The following MAP3K13 variants were observed in gnomAD, a reference collection of about 807,000 sequenced individuals.
MAP3K13 encodes the protein leucine zipper-bearing kinase.
In MAP3K13, 52 loss-of-function variants were observed where a neutral mutation model predicts 104.0. That is an observed-to-expected ratio of 0.50 (90% CI 0.40 to 0.63). The LOEUF is 0.63. Ranked by LOEUF, MAP3K13 falls within the 20% of genes least tolerant of loss-of-function variation. The pLI, the probability that MAP3K13 is intolerant of heterozygous loss-of-function variation, is 0.00. For synonymous variants in MAP3K13, 394 were observed against 442.2 expected, an observed-to-expected ratio of 0.89 and a Z score of 1.37; for missense variants, 914 against 1,218.5, an observed-to-expected ratio of 0.75 and a Z score of 3.72.
At chr3:185,384,858 A>T (rs1577492412) in intron 1 of MAP3K13, among the ~76,000 whole-genome samples, 1 of 152,270 alleles carries the variant, frequency 6.6e-6, no homozygotes, top group Admixed American at 6.5e-5. Flanking sequence ...CCCTTGTTGG[A>T]TGAATAGTTT....
chr3:185,418,895 T>C lies in MAP3K13; in HGVS notation c.-85-9602T>C. 1 of 1,120,866 alleles carries C rather than the reference T, an allele frequency of 8.9e-7. No individual in the cohort carries two copies. The allele number at this position is 1,120,866 out of a possible 1,614,324, so 69.4% of individuals were successfully genotyped here. The stretch of plus-strand genomic sequence containing the variant: ...TTCTCTTAATCATGATCATTCTGCC[T>C]TTTCTAGAATCAAATGTGAATCTCA... On this transcript the variant is annotated intron_variant, in intron 1 of 13. Transcript: ENST00000265026. This position sits in a 1 kb window ranked among gnomAD's most constrained non-coding sequence, Gnocchi z 4.5.
rs1560119484 is a variant in MAP3K13, at chr3:185,455,423, G to GATATATGAGAT, written c.1278+4034_1278+4035insGAGATATATAT. ...TGAGATATATATATGAGATATATAT[G>GATATATGAGAT]ATATATATGAGATATATATATGAGA... On this transcript the variant is annotated intron_variant, in intron 7 of 13. Transcript: ENST00000265026. 1.5e-3 allele frequency among the ~76,000 whole-genome samples: 60 copies of GATATATGAGAT among 40,828 alleles called. 3 individuals carry two copies. Among genetic ancestry groups the GATATATGAGAT allele is most frequent in the African/African-American group, 5.4e-3 (58 of 10,746 alleles). The allele number at this position is 40,828 out of a possible 152,430, so 26.8% of individuals were successfully genotyped here.
chr3:185,473,660 G>C lies in MAP3K13; in HGVS notation c.2329G>C (p.Glu777Gln). Residue 777 changes from glutamate to glutamine, a missense_variant, in exon 11 of 14, where the codon GAA becomes CAA. Transcript: ENST00000265026. The surrounding 1 kb of genome is among the most constrained non-coding windows in gnomAD (Gnocchi z 4.9). ...LENAQSSEKT[E>Q]ENEFSGCRSE... Reference sequence around the variant, plus strand: ...AAACGCCCAGAGTTCTGAGAAAACGGAAGAAAATGAATTCAGCGGCTGTAG... The same window carrying C: ...AAACGCCCAGAGTTCTGAGAAAACGCAAGAAAATGAATTCAGCGGCTGTAG... 6.2e-7 allele frequency: 1 copy of C among 1,614,142 alleles called. No individual in the cohort carries two copies. Among genetic ancestry groups the C allele is most frequent in the South Asian group, 1.1e-5 (1 of 91,080 alleles).
chr3:185,456,016 TATATGAG>T (rs1288922005), intron 7 of MAP3K13, among the ~76,000 whole-genome samples: 1 of 148,396 alleles, frequency 6.7e-6, no homozygotes. Flanking sequence ...GATATATATA[TATATGAG>T]ATATATGTTT....
chr3:185,316,091 G>GA (rs562871070), intron 2 of MAP3K13, among the ~76,000 whole-genome samples: 14 of 151,750 alleles, frequency 9.2e-5, no homozygotes, highest in Admixed American at 7.2e-4. Context: ...CCTTTGCATT[G>GA]AAAAAAAATT....
intron 2 of MAP3K13, among the ~76,000 whole-genome samples, chr3:185,433,822 A>G (rs1714877519): frequency 6.6e-6 from 1 of 152,202 alleles, no homozygotes; most frequent in Admixed American, 6.5e-5. Flanking sequence ...TGCCAAATGT[A>G]TTTGTATTTT....
intron 2 of MAP3K13, among the ~76,000 whole-genome samples, chr3:185,290,139 T>G (rs964482466): frequency 4.6e-5 from 7 of 152,182 alleles, no homozygotes; most frequent in African/African-American, 1.4e-4. Flanking sequence ...TTTTTGGCTA[T>G]TCAAGTAGAG....
At chr3:185,398,855 T>C (rs184570030) in intron 1 of MAP3K13, among the ~76,000 whole-genome samples, 16 of 152,356 alleles carry the variant, frequency 1.1e-4, no homozygotes, top group Admixed American at 1.0e-3. Flanking sequence ...ATGGAAATAA[T>C]AGCTGGTCTG....
At chr3:185,360,873 C>G (rs1291955081), upstream of MAP3K13, among the ~76,000 whole-genome samples, 2 of 130,948 alleles carry the variant, frequency 1.5e-5, no homozygotes, top group Admixed American at 8.8e-5. Flanking sequence ...TGTCACCAGG[C>G]TGGAGTGCAG....
chr3:185,369,251 G>T (rs1724040229), intron 1 of MAP3K13, among the ~76,000 whole-genome samples: 1 of 152,172 alleles, frequency 6.6e-6, no homozygotes, highest in Admixed American at 6.5e-5. Context: ...TTTAAAATGG[G>T]ACTTTTGCAT....
intron 3 of MAP3K13, among the ~76,000 whole-genome samples, chr3:185,438,704 T>C (rs1413959952): frequency 6.6e-6 from 1 of 152,200 alleles, no homozygotes; most frequent in Admixed American, 6.5e-5. Context: ...TAAATAGATA[T>C]TATCTCTTCT....
chr3:185,350,304 G>A (rs539549546), intron 2 of MAP3K13, among the ~76,000 whole-genome samples: 115 of 152,324 alleles, frequency 7.5e-4, no homozygotes, highest in African/African-American at 2.6e-3. Context: ...TCCTGCCTCA[G>A]CCTCCTGAGT....
At chr3:185,311,801 C>T (rs1037623205) in intron 2 of MAP3K13, among the ~76,000 whole-genome samples, 1 of 151,980 alleles carries the variant, frequency 6.6e-6, no homozygotes, top group African/African-American at 2.4e-5. Context: ...AAGTAATCTA[C>T]AAAAATGTTC....
At chr3:185,414,219 G>A (rs1713611240) in intron 1 of MAP3K13, among the ~76,000 whole-genome samples, 1 of 152,194 alleles carries the variant, frequency 6.6e-6, no homozygotes, top group Non-Finnish European at 1.5e-5. Context: ...GATTAGATAA[G>A]TTAATATGGG....
intron 7 of MAP3K13, among the ~76,000 whole-genome samples, chr3:185,454,346 GAT>G (rs577946457): frequency 0.02 from 920 of 44,926 alleles, 260 homozygotes; most frequent in African/African-American, 0.055. Flanking sequence ...ATATATATGA[GAT>G]ATATGAGATA....
chr3:185,316,523 C>T (rs1721680769), intron 2 of MAP3K13, among the ~76,000 whole-genome samples: 1 of 152,168 alleles, frequency 6.6e-6, no homozygotes, highest in South Asian at 2.1e-4. Context: ...TGCCTATAGT[C>T]CCAGCTACTT....
At chr3:185,463,056 T>C (rs1444638731) in intron 7 of MAP3K13, among the ~76,000 whole-genome samples, 1 of 152,216 alleles carries the variant, frequency 6.6e-6, no homozygotes, top group Non-Finnish European at 1.5e-5. Flanking sequence ...AATTTCCTGC[T>C]GTTCATGCCT....
intron 2 of MAP3K13, among the ~76,000 whole-genome samples, chr3:185,357,107 T>TC (rs1723389036): frequency 6.6e-6 from 1 of 151,990 alleles, no homozygotes; most frequent in African/African-American, 2.4e-5. Context: ...AGTTTTTTTT[T>TC]TTTCTCTCTC....
At chr3:185,345,317 A>T (rs1359641657) in intron 2 of MAP3K13, among the ~76,000 whole-genome samples, 1 of 151,992 alleles carries the variant, frequency 6.6e-6, no homozygotes, top group Non-Finnish European at 1.5e-5. Context: ...CACCTCCTCA[A>T]TGTATATCTC....
Sources: gnomAD v4.1 joint callset for allele counts (sites outside exome capture counted in the v4.1 genomes callset) on GRCh38, gnomAD v4.1.1 for gene constraint, Gnocchi (gnomAD v3.1) non-coding constraint, MANE v1.5 for transcripts, NCBI Gene and HGNC (gene_info 2026-07-23, HGNC 2026-07-21) for gene names.